The following MYLK4 variants were observed in gnomAD, a reference collection of about 807,000 sequenced individuals.
The protein encoded by MYLK4 is caMLCK like.
A neutral mutation model predicts 48.1 loss-of-function variants in MYLK4; 46 were observed. The observed-to-expected ratio is 0.96, with a 90% CI of 0.75 to 1.22. The LOEUF (loss-of-function observed/expected upper bound fraction) is 1.22. MYLK4 is among the 50% of genes most tolerant of loss of function. MYLK4 has a pLI of 0.00. For synonymous variants in MYLK4, 170 were observed against 180.8 expected, an observed-to-expected ratio of 0.94 and a Z score of 0.48; for missense variants, 451 against 486.1, an observed-to-expected ratio of 0.93 and a Z score of 0.68.
chr6:2,700,668 C>T (rs546049541), intron 2 of MYLK4, among the ~76,000 whole-genome samples: 1 of 152,270 alleles, frequency 6.6e-6, no homozygotes, highest in Admixed American at 6.5e-5. Flanking sequence ...AAACCTCCCT[C>T]CAAAAATGAT....
At chr6:2,761,173 C>T in the MYLK4 span, among the ~76,000 whole-genome samples, 1 of 152,054 alleles carries the variant, frequency 6.6e-6, no homozygotes, top group East Asian at 1.9e-4. Flanking sequence ...GAGTCACCAC[C>T]GAATCTATCC....
At chr6:2,690,144 C>G (rs1555677) in intron 3 of MYLK4, among the ~76,000 whole-genome samples, 55,330 of 152,116 alleles carry the variant, frequency 0.36, 10,781 homozygotes, top group South Asian at 0.52. Context: ...CATTTCCTAC[C>G]CAGTGGGGTC....
At chr6:2,686,328 A>G (rs1314534256) in intron 4 of MYLK4, among the ~76,000 whole-genome samples, 1 of 152,248 alleles carries the variant, frequency 6.6e-6, no homozygotes, top group Non-Finnish European at 1.5e-5. Context: ...TCAGATATAT[A>G]AAATTATTTT....
intron 2 of MYLK4, among the ~76,000 whole-genome samples, chr6:2,706,116 T>C (rs534043473): frequency 6.6e-6 from 1 of 152,326 alleles, no homozygotes; most frequent in African/African-American, 2.4e-5. Flanking sequence ...TCATAGGACA[T>C]TGCAATATAT....
At chr6:2,746,274 GA>G (rs1453667665) in intron 2 of MYLK4, among the ~76,000 whole-genome samples, 1 of 104,850 alleles carries the variant, frequency 9.5e-6, no homozygotes, top group Non-Finnish European at 2.3e-5. Context: ...CTCAAAAAAA[GA>G]AAAAAAGAAA....
chr6:2,729,567 C>G (rs1178741152), intron 2 of MYLK4, among the ~76,000 whole-genome samples: 1 of 152,226 alleles, frequency 6.6e-6, no homozygotes, highest in Non-Finnish European at 1.5e-5. Context: ...CAACCCTAAA[C>G]CCTGCCTGCC....
chr6:2,753,189 A>G (rs1424630313), upstream of MYLK4, among the ~76,000 whole-genome samples: 1 of 152,202 alleles, frequency 6.6e-6, no homozygotes, highest in African/African-American at 2.4e-5. Flanking sequence ...GAATCCCTTG[A>G]TTTTTTTCAA....
chr6:2,754,712 A>G (rs1764383276), upstream of MYLK4, among the ~76,000 whole-genome samples: 1 of 152,182 alleles, frequency 6.6e-6, no homozygotes, highest in African/African-American at 2.4e-5. Context: ...GATTAACAAA[A>G]AGTAGCTTGT....
At chr6:2,716,035 C>T (rs1029575877) in intron 2 of MYLK4, among the ~76,000 whole-genome samples, 1 of 151,584 alleles carries the variant, frequency 6.6e-6, no homozygotes. Flanking sequence ...TTTTTTTAAA[C>T]TCTAGTAAAT....
intron 2 of MYLK4, among the ~76,000 whole-genome samples, chr6:2,725,976 G>C (rs1763258220): frequency 6.6e-6 from 1 of 152,176 alleles, no homozygotes; most frequent in Non-Finnish European, 1.5e-5. Context: ...TGGAAGGTCT[G>C]TTTTTATATA....
chr6:2,683,039 A>C lies in MYLK4; in HGVS notation c.669T>G (p.Ile223Met). ...EGIRHMHQMY[I>M]LHLDLKPENI... ...CCCTTACCTTCAGGTCCAAGTGGAG[A>C]ATGTACATCTGATGCATGTGCCTTA... Residue 223 changes from isoleucine to methionine, a missense_variant, in exon 7 of 13, where the codon ATT becomes ATG. Coordinates refer to ENST00000274643, the MANE Select transcript of MYLK4 (RefSeq NM_001012418.5). The C allele has an allele frequency of 6.2e-7, 1 of 1,614,146 alleles. No individual in the cohort carries two copies. The highest frequency in any genetic ancestry group is 8.5e-7 in the Non-Finnish European group (1 of 1,180,038).
chr6:2,678,468 GA>G (rs1199114743), intron 9 of MYLK4, 96 bp from the exon 10 acceptor site: 11 of 1,345,526 alleles, frequency 8.2e-6, no homozygotes, highest in Non-Finnish European at 1.1e-5. Flanking sequence ...AAAGGTGAGA[GA>G]AGGAAAATAA....
rs376001882 is a variant in MYLK4 at position 2,685,799 on chromosome 6, G to C, written c.342-223C>G. The stretch of plus-strand genomic sequence containing the variant: ...AAGAAAGCAGGTCTCGGCCGGGCAC[G>C]GTGGCTCACACCTGTAATCCCAGCA... On this transcript the variant is annotated intron_variant, in intron 4 of 12. Coordinates refer to ENST00000274643, the MANE Select transcript of MYLK4 (RefSeq NM_001012418.5). The surrounding 1 kb of genome is among the most constrained non-coding windows in gnomAD (Gnocchi z 4.5). 7.9e-5 allele frequency among the ~76,000 whole-genome samples: 12 copies of C among 152,216 alleles called. No individual in the cohort carries two copies. The highest frequency in any genetic ancestry group is 2.9e-4 in the African/African-American group (12 of 41,538).
chr6:2,690,887 T>G (rs1396898662), intron 3 of MYLK4, among the ~76,000 whole-genome samples: 1 of 144,082 alleles, frequency 6.9e-6, no homozygotes, highest in Non-Finnish European at 1.5e-5. Context: ...TGGAGTGCAG[T>G]GGCGCGATCT....
At chr6:2,767,759 A>C in the MYLK4 span, among the ~76,000 whole-genome samples, 1 of 152,220 alleles carries the variant, frequency 6.6e-6, no homozygotes, top group African/African-American at 2.4e-5. Flanking sequence ...GGGTGAGCTC[A>C]TCCCACCTAC....
chr6:2,737,308 T>C (rs535356333), intron 2 of MYLK4, among the ~76,000 whole-genome samples: 1 of 152,370 alleles, frequency 6.6e-6, no homozygotes, highest in East Asian at 1.9e-4. Flanking sequence ...CGAGACGCCA[T>C]CTCAGAAAAT....
the MYLK4 span, among the ~76,000 whole-genome samples, chr6:2,763,516 C>T: frequency 6.6e-6 from 1 of 152,238 alleles, no homozygotes. Context: ...GTCCCAAGTG[C>T]TAAGCTCCTC....
In MYLK4 at chr6:2,665,317, C is replaced by G. The variant is rs1367358312; in HGVS notation, c.*2608G>C. ...ACATGGAGCAGGGGCGGGATGAACA[C>G]TAGACTGATAATCTCCCATTTCAAG... On this transcript the variant is annotated 3_prime_UTR_variant, in exon 13 of 13. Coordinates refer to ENST00000274643, the MANE Select transcript of MYLK4 (RefSeq NM_001012418.5). The G allele has an allele frequency of 6.6e-6, 1 of 152,252 alleles. No homozygotes were observed. Among genetic ancestry groups the G allele is most frequent in the Non-Finnish European group, 1.5e-5 (1 of 68,082 alleles). 9.4% of individuals were successfully genotyped at this position (152,252 alleles called of 1,614,324 possible).
chr6:2,700,237 A>G (rs539715771), intron 2 of MYLK4, among the ~76,000 whole-genome samples: 38 of 152,080 alleles, frequency 2.5e-4, no homozygotes, highest in African/African-American at 8.9e-4. Context: ...TTGTTATCCA[A>G]ACTGTTCTAA....
Sources: allele counts gnomAD v4.1 joint callset (sites outside exome capture counted in the v4.1 genomes callset), GRCh38; gene constraint gnomAD v4.1.1; non-coding constraint Gnocchi (gnomAD v3.1); transcripts MANE v1.5; gene names NCBI Gene and HGNC (gene_info 2026-07-23, HGNC 2026-07-21).